The following FUT9 variants were observed in gnomAD, a reference collection of about 807,000 sequenced individuals.
FUT9 encodes the protein fucosyltransferase 9.
FUT9 carries 15 observed loss-of-function variants against 29.7 expected under a neutral mutation model. That is an observed-to-expected ratio of 0.51 (90% CI 0.34 to 0.78). The LOEUF (loss-of-function observed/expected upper bound fraction) is 0.78. Among genes scored for constraint, FUT9 ranks in the 30% least tolerant of loss-of-function variants. The probability of loss-of-function intolerance (pLI) is 0.01; values close to 1 mark genes in which losing one functional copy is unlikely to be tolerated. For missense variants in FUT9, 319 were observed against 425.4 expected, an observed-to-expected ratio of 0.75 and a Z score of 2.20; for synonymous variants, 169 against 153.7, an observed-to-expected ratio of 1.10 and a Z score of -0.74.
intron 1 of FUT9, among the ~76,000 whole-genome samples, chr6:96,071,781 T>C (rs7775100): frequency 0.6 from 91,180 of 151,950 alleles, 27,455 homozygotes; most frequent in South Asian, 0.76. Flanking sequence ...TAATAGTTAA[T>C]ATTTAAAATT....
At chr6:96,024,994 G>A (rs573591884) in intron 1 of FUT9, among the ~76,000 whole-genome samples, 2 of 151,892 alleles carry the variant, frequency 1.3e-5, no homozygotes, top group African/African-American at 2.4e-5. Flanking sequence ...AGGTTGGCAC[G>A]AAGGCGAGAT....
chr6:96,145,785 G>T (rs1045446972), intron 2 of FUT9, among the ~76,000 whole-genome samples: 2 of 152,194 alleles, frequency 1.3e-5, no homozygotes, highest in African/African-American at 2.4e-5. Flanking sequence ...CTAGGCAGGG[G>T]CTGGGGAGAA....
intron 2 of FUT9, among the ~76,000 whole-genome samples, chr6:96,139,248 T>G (rs1772415677): frequency 1.3e-5 from 2 of 152,178 alleles, no homozygotes; most frequent in Non-Finnish European, 2.9e-5. Context: ...CAGTCAAATC[T>G]TAAAGCTTCG....
intron 1 of FUT9, among the ~76,000 whole-genome samples, chr6:96,026,262 C>A (rs987966915): frequency 6.6e-6 from 1 of 151,652 alleles, no homozygotes; most frequent in Non-Finnish European, 1.5e-5. Context: ...ATATGTTCAT[C>A]CTTGCTATTT....
chr6:96,028,481 A>G (rs538921000), intron 1 of FUT9, among the ~76,000 whole-genome samples: 114 of 151,774 alleles, frequency 7.5e-4, no homozygotes, highest in East Asian at 3.5e-3. Context: ...TTCTTAGTAT[A>G]TCTGAGACTC....
intron 1 of FUT9, among the ~76,000 whole-genome samples, chr6:96,094,006 T>C (rs1158799685): frequency 1.3e-5 from 2 of 152,170 alleles, no homozygotes. Flanking sequence ...GGAATGTATA[T>C]GTCATGTTTT....
chr6:96,063,135 T>C (rs1770905004), intron 1 of FUT9, among the ~76,000 whole-genome samples: 1 of 152,198 alleles, frequency 6.6e-6, no homozygotes. Flanking sequence ...AGGTTGCTTA[T>C]AAAACATCAA....
intron 1 of FUT9, among the ~76,000 whole-genome samples, chr6:96,051,136 G>A (rs1770661654): frequency 1.3e-5 from 2 of 151,630 alleles, no homozygotes; most frequent in South Asian, 2.1e-4. Flanking sequence ...CCAATTCTCA[G>A]CTCTGAAAAA....
intron 1 of FUT9, among the ~76,000 whole-genome samples, chr6:96,055,194 T>C (rs1355413717): frequency 6.6e-6 from 1 of 152,176 alleles, no homozygotes; most frequent in Non-Finnish European, 1.5e-5. Flanking sequence ...TTTTCATTCT[T>C]ATTTAATAAT....
rs1244229408 is a variant in FUT9, at chr6:96,049,874, G to A, written c.-98+33662G>A. On this transcript the variant is annotated intron_variant, in intron 1 of 2. Coordinates refer to ENST00000302103, the MANE Select transcript of FUT9 (RefSeq NM_006581.4). ...GGGATTAGCTAACGTGGACTAAATA[G>A]TTACTATGTGTCAGGCAGCGTAAAA... Among the ~76,000 whole-genome samples the A allele has an allele frequency of 2.0e-5, 3 of 152,144 alleles. No homozygotes were observed. In the East Asian group the frequency reaches 5.8e-4, roughly 29 times the overall value.
intron 2 of FUT9, among the ~76,000 whole-genome samples, chr6:96,124,201 G>A (rs1383457167): frequency 6.8e-6 from 1 of 146,396 alleles, no homozygotes; most frequent in Admixed American, 6.9e-5. Flanking sequence ...GCCCAGGCTG[G>A]AGTGCAGTGG....
rs1208514813 is a variant in FUT9 at position 96,207,289 on chromosome 6, G to A, written c.*3054G>A. 1 of 166,602 alleles carries A rather than the reference G, an allele frequency of 6.0e-6. No individual in the cohort carries two copies. The highest frequency in any genetic ancestry group is 1.5e-5 in the Non-Finnish European group (1 of 68,020). 10.3% of individuals were successfully genotyped at this position (166,602 alleles called of 1,614,324 possible). ...ACAATAGTTAAGATTTGGATTTAAG[G>A]ATCCTATCTTTCTTTATCCCACTTT... On this transcript the variant is annotated 3_prime_UTR_variant, in exon 3 of 3. Transcript: ENST00000302103.
At position 96,215,166 on chromosome 6, in the gene FUT9, C is replaced by T. The variant is rs180976890; in HGVS notation, c.*10931C>T. On this transcript the variant is annotated 3_prime_UTR_variant, in exon 3 of 3. Transcript: ENST00000302103. ...GCAGCTAAGCAAATATTTTAATAAG[C>T]CATGAAAGGCAAGATGCCAGAGAAA... 2 of 166,882 alleles carry T rather than the reference C, an allele frequency of 1.2e-5. No homozygotes were observed. Among genetic ancestry groups the T allele is most frequent in the East Asian group, 3.8e-4 (2 of 5,202 alleles). 10.3% of individuals were successfully genotyped at this position (166,882 alleles called of 1,614,324 possible).
chr6:96,039,995 C>T (rs1770431051), intron 1 of FUT9, among the ~76,000 whole-genome samples: 1 of 151,328 alleles, frequency 6.6e-6, no homozygotes, highest in Non-Finnish European at 1.5e-5. Flanking sequence ...TGCTTTTTTA[C>T]TTTCTTTCCT....
chr6:96,135,858 A>G (rs1462063439), intron 2 of FUT9, among the ~76,000 whole-genome samples: 1 of 151,766 alleles, frequency 6.6e-6, no homozygotes, highest in Non-Finnish European at 1.5e-5. Context: ...GGTGCTTTTG[A>G]AATAAGAAAG....
chr6:96,095,598 A>C (rs1332113549), intron 1 of FUT9, among the ~76,000 whole-genome samples: 1 of 152,104 alleles, frequency 6.6e-6, no homozygotes, highest in Non-Finnish European at 1.5e-5. Context: ...GGATGCTGTC[A>C]TTTCTGGTTT....
chr6:96,075,461 T>C (rs1397112731), intron 1 of FUT9, among the ~76,000 whole-genome samples: 1 of 152,192 alleles, frequency 6.6e-6, no homozygotes, highest in Non-Finnish European at 1.5e-5. Flanking sequence ...TGAATCTCAC[T>C]TTCCTGACAA....
rs1206959273 is a variant in FUT9, at chr6:96,213,599, A to G, written c.*9364A>G. ...GATAAGAATTTAATTGCATTGTGCT[A>G]ATAGTTGTTTATTGCTATTAACTTT... is the stretch of plus-strand genomic sequence containing the variant. On this transcript the variant is annotated 3_prime_UTR_variant, in exon 3 of 3. Transcript: ENST00000302103. 1 of 166,898 alleles carries G rather than the reference A, an allele frequency of 6.0e-6. No individual in the cohort carries two copies. Among genetic ancestry groups the G allele is most frequent in the East Asian group, 1.9e-4 (1 of 5,198 alleles). The allele number at this position is 166,898 out of a possible 1,614,324, so 10.3% of individuals were successfully genotyped here. A position where few individuals can be genotyped will look rare whatever the true frequency, so the allele number is the denominator to read the frequency against.
At chr6:96,080,145 A>G (rs1268198003) in intron 1 of FUT9, among the ~76,000 whole-genome samples, 1 of 151,964 alleles carries the variant, frequency 6.6e-6, no homozygotes, top group Admixed American at 6.6e-5. Context: ...TCAAACCAGT[A>G]TTCAACATTT....
Sources: gnomAD v4.1 joint callset for allele counts (sites outside exome capture counted in the v4.1 genomes callset) on GRCh38, gnomAD v4.1.1 for gene constraint, MANE v1.5 for transcripts, NCBI Gene and HGNC (gene_info 2026-07-23, HGNC 2026-07-21) for gene names.